IVD: variants seen among roughly 807,000 people sequenced by gnomAD.
The protein encoded by IVD is isovaleryl-CoA dehydrogenase, also known as isovaleryl-CoA dehydrogenase, mitochondrial.
In IVD, 31 loss-of-function variants were observed where a neutral mutation model predicts 51.3. The ratio of observed to expected loss-of-function variants is 0.60; its 90% CI spans 0.45 to 0.81. The LOEUF (loss-of-function observed/expected upper bound fraction) is 0.81, where lower values mean the gene tolerates loss of function less well. Ranked by LOEUF, IVD falls within the 40% of genes least tolerant of loss-of-function variation. The probability of loss-of-function intolerance (pLI) is 0.00; values close to 1 mark genes in which losing one functional copy is unlikely to be tolerated. For missense variants in IVD, 475 were observed against 552.0 expected (o/e 0.86, Z 1.40); for synonymous variants, 205 against 219.4 (o/e 0.93, Z 0.58).
In IVD at chr15:40,411,246, G is replaced by T; in HGVS notation, c.457-14G>T. 1 of 1,613,686 alleles carries T rather than the reference G, an allele frequency of 6.2e-7. No individual in the cohort carries two copies. Among genetic ancestry groups the T allele is most frequent in the Non-Finnish European group, 8.5e-7 (1 of 1,179,606 alleles). Reference sequence around the variant, plus strand: ...TGAGGTTGTAACAAGGCCTGTTGGGGGTTTTCCTTGCAGCTGATCAGTGGT... The same window carrying T: ...TGAGGTTGTAACAAGGCCTGTTGGGTGTTTTCCTTGCAGCTGATCAGTGGT... On this transcript the variant is annotated splice_polypyrimidine_tract_variant and intron_variant, in intron 4 of 11. Transcript: ENST00000487418.
intron 3 of IVD, among the ~76,000 whole-genome samples, chr15:40,408,257 A>T (rs531572044): frequency 6.6e-6 from 1 of 152,248 alleles, no homozygotes; most frequent in Non-Finnish European, 1.5e-5. Flanking sequence ...TGAACTCTGC[A>T]TACTTAATAG....
chr15:40,420,568 A>G lies in IVD; in HGVS notation c.*2305A>G. 1.0e-6 allele frequency: 1 copy of G among 987,624 alleles called. No homozygotes were observed. Among genetic ancestry groups the G allele is most frequent in the South Asian group, 4.7e-5 (1 of 21,378 alleles). The allele number at this position is 987,624 out of a possible 1,614,324, so 61.2% of individuals were successfully genotyped here. On this transcript the variant is annotated 3_prime_UTR_variant, in exon 12 of 12. Transcript: ENST00000487418. ...TCCAGCCCGTTCTTTCATGAGGGAC[A>G]GGAAGGTAAAATCAGCCCTTAGGAG... is the stretch of plus-strand genomic sequence containing the variant.
chr15:40,410,524 G>C, intron 3 of IVD, 104 bp from the exon 4 acceptor site: 1 of 1,300,260 alleles, frequency 7.7e-7, no homozygotes, highest in African/African-American at 1.5e-5. Context: ...TGGAGTAGGT[G>C]CTACAAGGTG....
intron 7 of IVD, among the ~76,000 whole-genome samples, chr15:40,414,112 G>A (rs1891393869): frequency 6.6e-6 from 1 of 152,130 alleles, no homozygotes; most frequent in Non-Finnish European, 1.5e-5. Context: ...ACCTGTCTCA[G>A]CCTCCCAAAG....
At chr15:40,427,423 G>A (rs1024542564), downstream of IVD, among the ~76,000 whole-genome samples, 2 of 152,236 alleles carry the variant, frequency 1.3e-5, no homozygotes, top group African/African-American at 4.8e-5. Flanking sequence ...TAAGCCCAGC[G>A]CTGGGGGCTG....
At chr15:40,426,028 C>G (rs960599459), downstream of IVD, among the ~76,000 whole-genome samples, 3 of 150,298 alleles carry the variant, frequency 2.0e-5, no homozygotes, top group African/African-American at 7.4e-5. Flanking sequence ...CCAGGCTGGT[C>G]TCCTGAGCTC....
At chr15:40,412,757 A>G (rs1891214085) in intron 6 of IVD, 1 of 536,384 alleles carries the variant, frequency 1.9e-6, no homozygotes, top group African/African-American at 1.9e-5. Context: ...ATTGAGAAAG[A>G]AGTGTCCCCA....
rs201785562 is a variant in IVD at position 40,413,086 on chromosome 15, T to G, written c.783T>G (p.Pro261=). 10 of 1,610,176 alleles carry G rather than the reference T, an allele frequency of 6.2e-6. No individual in the cohort carries two copies. Among genetic ancestry groups the G allele is most frequent in the Non-Finnish European group, 6.8e-6 (8 of 1,176,914 alleles). Residue 261 remains proline, a splice_region_variant and synonymous_variant, in exon 7 of 12, where the codon CCT becomes CCG. Transcript: ENST00000487418. Reference sequence around the variant, plus strand: ...TAATCTTTGAAGACTGCAAGATTCCTGGTAAGTAGCACCGGGAATCGGGGA... The same window carrying G: ...TAATCTTTGAAGACTGCAAGATTCCGGGTAAGTAGCACCGGGAATCGGGGA... ...CELIFEDCKI[P]AANILGHENK... is the part of the protein sequence containing the mutation.
rs1020923846 is a variant in IVD, at chr15:40,418,751, A to T, written c.*488A>T. 2 of 1,097,572 alleles carry T rather than the reference A, an allele frequency of 1.8e-6. No homozygotes were observed. The highest frequency in any genetic ancestry group is 2.2e-6 in the Non-Finnish European group (2 of 896,822). 68.0% of individuals were successfully genotyped at this position (1,097,572 alleles called of 1,614,324 possible). On this transcript the variant is annotated 3_prime_UTR_variant, in exon 12 of 12. Coordinates refer to ENST00000487418, the MANE Select transcript of IVD (RefSeq NM_002225.5). ...AACTTGGTACAGGTTAAGTATCCCT[A>T]ATCCTGAAATCTGAAACACTTGTGG...
intron 11 of IVD, among the ~76,000 whole-genome samples, 163 bp downstream of exon 11, chr15:40,416,525 G>A (rs1478225499): frequency 1.3e-5 from 2 of 152,198 alleles, no homozygotes; most frequent in Non-Finnish European, 2.9e-5. Flanking sequence ...TTCAAGACCA[G>A]CCTGGCCAAC....
chr15:40,434,851 A>T (rs748768016), intron 8 of IVD, among the ~76,000 whole-genome samples: 4 of 152,202 alleles, frequency 2.6e-5, no homozygotes, highest in Non-Finnish European at 5.9e-5. Context: ...GGGCTATAGC[A>T]TGAGGCTTCA....
In IVD at chr15:40,412,383, T is replaced by C. The variant is rs528075111; in HGVS notation, c.688-608T>C. Among the ~76,000 whole-genome samples, 193 of 151,736 alleles carry C rather than the reference T, an allele frequency of 1.3e-3. 1 individual carries two copies. The highest frequency in any genetic ancestry group is 3.4e-3 in the Middle Eastern group (1 of 292). ...AGTTGGCAAGAGTTTCATGAGCGAG[T>C]ATTGTAAAGGTTTGCGGTACCCTCC... On this transcript the variant is annotated intron_variant, in intron 6 of 11. Transcript: ENST00000487418.
intron 7 of IVD, 134 bp from the exon 8 acceptor site, chr15:40,414,755 C>T (rs548058623): frequency 5.5e-6 from 8 of 1,448,160 alleles, no homozygotes; most frequent in Middle Eastern, 2.0e-4. Flanking sequence ...TCACCTGGAA[C>T]CTTAGTTGAA....
chr15:40,420,758 G>T lies in IVD; in HGVS notation c.*2495G>T. ...AATTTGACTTTCTCAAGGTCAAAAC[G>T]AACTAGAATCCAGATCTGCTCATGG... On this transcript the variant is annotated 3_prime_UTR_variant, in exon 12 of 12. Coordinates refer to ENST00000487418, the MANE Select transcript of IVD (RefSeq NM_002225.5). 3 of 985,696 alleles carry T rather than the reference G, an allele frequency of 3.0e-6. No individual in the cohort carries two copies. The highest frequency in any genetic ancestry group is 3.6e-6 in the Non-Finnish European group (3 of 830,118). 61.1% of individuals were successfully genotyped at this position (985,696 alleles called of 1,614,324 possible). A position where few individuals can be genotyped will look rare whatever the true frequency, so the allele number is the denominator to read the frequency against.
downstream of IVD, among the ~76,000 whole-genome samples, chr15:40,423,555 G>A (rs919227299): frequency 2.4e-4 from 37 of 152,172 alleles, no homozygotes; most frequent in African/African-American, 8.4e-4. Context: ...TCCGCCTCCT[G>A]GGTTCTAGCG....
chr15:40,427,243 C>G (rs72733445), downstream of IVD, among the ~76,000 whole-genome samples: 16,935 of 152,228 alleles, frequency 0.11, 1,058 homozygotes, highest in Non-Finnish European at 0.13. Flanking sequence ...AGACACAGCT[C>G]CAGATCCAGA....
chr15:40,407,513 C>T (rs747151283), intron 1 of IVD, 123 bp from the exon 2 acceptor site: 1 of 780,454 alleles, frequency 1.3e-6, no homozygotes, highest in South Asian at 1.4e-5. Flanking sequence ...GCATAAACTA[C>T]TGAGGCCTCT....
intron 8 of IVD, 126 bp from the exon 9 acceptor site, chr15:40,415,273 CTG>C (rs1172404746): frequency 1.1e-5 from 10 of 889,286 alleles, no homozygotes; most frequent in Non-Finnish European, 1.8e-5. Flanking sequence ...AGTGCCGTAA[CTG>C]TGGCAAGACT....
chr15:40,412,818 T>A, intron 6 of IVD, 173 bp from the exon 7 acceptor site: 1 of 619,664 alleles, frequency 1.6e-6, no homozygotes, highest in South Asian at 1.8e-5. Flanking sequence ...GGGATCAATC[T>A]GGGGCGTTAG....
Sources: gnomAD v4.1 joint callset for allele counts (sites outside exome capture counted in the v4.1 genomes callset) on GRCh38, gnomAD v4.1.1 for gene constraint, MANE v1.5 for transcripts, NCBI Gene and HGNC (gene_info 2026-07-23, HGNC 2026-07-21) for gene names.